DNAH17: variants seen among roughly 807,000 people sequenced by gnomAD.
The protein encoded by DNAH17 is dynein axonemal heavy chain 17, also known as axonemal beta dynein heavy chain 17.
In DNAH17, 376 loss-of-function variants were observed where a neutral mutation model predicts 485.6. That is an observed-to-expected ratio of 0.77 (90% CI 0.71 to 0.84). The LOEUF is 0.84. Among genes scored for constraint, DNAH17 ranks in the 40% least tolerant of loss-of-function variants. The pLI is 0.00. For synonymous variants in DNAH17, 3,031 were observed against 2,405.9 expected (o/e 1.26, Z -7.60); for missense variants, 6,370 against 5,839.3 (o/e 1.09, Z -2.96).
At chr17:78,509,608 C>A (rs1004941951) in intron 27 of DNAH17, among the ~76,000 whole-genome samples, 2 of 152,088 alleles carry the variant, frequency 1.3e-5, no homozygotes, top group East Asian at 1.9e-4. Context: ...GAGATTTGAA[C>A]CGCAAAAGGA....
At chr17:78,569,807 C>T (rs535678456) in intron 7 of DNAH17, among the ~76,000 whole-genome samples, 9 of 152,224 alleles carry the variant, frequency 5.9e-5, no homozygotes, top group South Asian at 2.1e-4. Context: ...GTCCTGCAGA[C>T]GGGGCCACAG....
At chr17:78,566,551 G>A (rs899635062) in intron 11 of DNAH17, 63 bp downstream of exon 11, 18 of 1,223,432 alleles carry the variant, frequency 1.5e-5, no homozygotes, top group East Asian at 7.5e-5. Flanking sequence ...GATCGTTCTC[G>A]ACATGAATCC....
In DNAH17 at chr17:78,530,610, C is replaced by G. The variant is rs539296301; in HGVS notation, c.3115-98G>C. The G allele has an allele frequency of 1.2e-4, 174 of 1,402,742 alleles. No homozygotes were observed. In the African/African-American group the frequency reaches 2.3e-3, roughly 18 times the overall value. 86.9% of individuals were successfully genotyped at this position (1,402,742 alleles called of 1,614,324 possible). ...CCAGGGCCTTCCTGCACTGCACCTG[C>G]GCTGCTCACCTGCCGGCCACTCTGG... is the stretch of plus-strand genomic sequence containing the variant. On this transcript the variant is annotated intron_variant, in intron 20 of 80. Coordinates refer to ENST00000389840, the MANE Select transcript of DNAH17 (RefSeq NM_173628.4).
intron 49 of DNAH17, among the ~76,000 whole-genome samples, chr17:78,480,018 T>TC (rs2089279145): frequency 2.2e-5 from 1 of 45,870 alleles, no homozygotes; most frequent in Admixed American, 2.1e-4. Flanking sequence ...AAGTACTTTT[T>TC]TTTTTTTTTT....
intron 27 of DNAH17, among the ~76,000 whole-genome samples, chr17:78,508,114 G>A (rs1406026957): frequency 6.6e-6 from 1 of 152,156 alleles, no homozygotes; most frequent in Non-Finnish European, 1.5e-5. Flanking sequence ...AGACCACATA[G>A]TGCACGCAAA....
At chr17:78,539,702 A>G in intron 18 of DNAH17, 35 bp downstream of exon 18, 1 of 1,504,706 alleles carries the variant, frequency 6.6e-7, no homozygotes. Context: ...AAGAATACAT[A>G]TACATAAATA....
chr17:78,484,485 G>T (rs75725810), intron 48 of DNAH17, among the ~76,000 whole-genome samples: 1 of 152,100 alleles, frequency 6.6e-6, no homozygotes, highest in Admixed American at 6.5e-5. Context: ...CTGCACTGGG[G>T]GTTTTCCTCA....
intron 16 of DNAH17, among the ~76,000 whole-genome samples, chr17:78,546,193 T>G (rs1372300540): frequency 1.3e-5 from 2 of 152,168 alleles, no homozygotes; most frequent in Non-Finnish European, 2.9e-5. Context: ...CCCAAAGTGT[T>G]TGGACTACAG....
At chr17:78,459,318 G>A (rs1030836293) in intron 60 of DNAH17, 110 bp from the exon 61 acceptor site, 15 of 1,052,160 alleles carry the variant, frequency 1.4e-5, no homozygotes, top group Non-Finnish European at 1.9e-5. Context: ...GAGGGGCAGC[G>A]CTGGGATTCA....
intron 19 of DNAH17, 138 bp downstream of exon 19, chr17:78,537,161 G>C (rs1326744065): frequency 2.0e-6 from 2 of 1,013,548 alleles, no homozygotes; most frequent in Non-Finnish European, 2.8e-6. Context: ...CTGGGCGACA[G>C]AGTGAGATTC....
At chr17:78,554,987 T>C (rs1000091443) in intron 14 of DNAH17, among the ~76,000 whole-genome samples, 3 of 152,182 alleles carry the variant, frequency 2.0e-5, no homozygotes, top group African/African-American at 7.2e-5. Context: ...CCTCAAGTGA[T>C]CCACCCACCT....
rs937395705 is a variant in DNAH17 at position 78,512,207 on chromosome 17, C to T, written c.4114-1701G>A. On this transcript the variant is annotated intron_variant, in intron 26 of 80. Transcript: ENST00000389840. ...ATCTCTTGGGAAGCCGTGGGCTAAGCATTGCCGCTGTGCAGGCTTTGGGCC... is the reference window on the plus strand; with the variant it reads ...ATCTCTTGGGAAGCCGTGGGCTAAGTATTGCCGCTGTGCAGGCTTTGGGCC... Among the ~76,000 whole-genome samples the T allele has an allele frequency of 5.9e-5, 9 of 152,246 alleles. No individual in the cohort carries two copies. The South Asian group carries it at 6.2e-4, about 11-fold the overall frequency.
chr17:78,489,837 G>A (rs1157494948), intron 44 of DNAH17, among the ~76,000 whole-genome samples: 1 of 150,176 alleles, frequency 6.7e-6, no homozygotes, highest in Non-Finnish European at 1.5e-5. Flanking sequence ...GAGGGTGAAT[G>A]GATGGGTGAG....
At chr17:78,513,143 T>C (rs1411093946) in intron 26 of DNAH17, among the ~76,000 whole-genome samples, 1 of 151,272 alleles carries the variant, frequency 6.6e-6, no homozygotes, top group Non-Finnish European at 1.5e-5. Context: ...ACCGGAAAAA[T>C]GAGTTCAGGC....
intron 22 of DNAH17, among the ~76,000 whole-genome samples, chr17:78,528,964 T>TG (rs1468210341): frequency 6.6e-6 from 1 of 150,876 alleles, no homozygotes; most frequent in Non-Finnish European, 1.5e-5. Context: ...TTTTTTTTTT[T>TG]TAAGACAGAA....
chr17:78,492,468 T>TC (rs2089904086), intron 42 of DNAH17, among the ~76,000 whole-genome samples, 165 bp downstream of exon 42: 1 of 152,126 alleles, frequency 6.6e-6, no homozygotes, highest in Admixed American at 6.5e-5. Flanking sequence ...TGCCCACTGC[T>TC]CCCCATAAAC....
intron 1 of DNAH17, among the ~76,000 whole-genome samples, chr17:78,576,294 T>A (rs1053345301): frequency 6.6e-6 from 1 of 152,158 alleles, no homozygotes; most frequent in Non-Finnish European, 1.5e-5. Context: ...AACTATATGA[T>A]GGGAAGCAGT....
chr17:78,460,458 A>G (rs993215994), intron 58 of DNAH17, among the ~76,000 whole-genome samples: 3 of 152,210 alleles, frequency 2.0e-5, no homozygotes, highest in African/African-American at 7.2e-5. Context: ...ATGTGTAGGC[A>G]GCAGTGGTGA....
intron 14 of DNAH17, among the ~76,000 whole-genome samples, chr17:78,556,133 C>T (rs1293439121): frequency 6.6e-6 from 1 of 152,170 alleles, no homozygotes; most frequent in African/African-American, 2.4e-5. Context: ...CTATCCCCCC[C>T]ATCTATAGCT....
Sources: allele counts gnomAD v4.1 joint callset (sites outside exome capture counted in the v4.1 genomes callset), GRCh38; gene constraint gnomAD v4.1.1; transcripts MANE v1.5; gene names NCBI Gene and HGNC (gene_info 2026-07-23, HGNC 2026-07-21).